Variants in MAGI2 observed in about 807,000 individuals in gnomAD.
The protein encoded by MAGI2 is membrane-associated guanylate kinase, WW and PDZ domain-containing protein 2.
MAGI2 carries 35 observed loss-of-function variants against 133.3 expected under a neutral mutation model. The observed-to-expected ratio is 0.26, with a 90% confidence interval of 0.20 to 0.35. The LOEUF (loss-of-function observed/expected upper bound fraction) is 0.35, where lower values mean the gene tolerates loss of function less well. Among genes scored for constraint, MAGI2 ranks in the 10% least tolerant of loss-of-function variants. MAGI2 has a pLI of 1.00. For synonymous variants in MAGI2, 729 were observed against 710.6 expected (o/e 1.03, Z -0.41); for missense variants, 1,636 against 1,863.4 (o/e 0.88, Z 2.25).
chr7:79,311,824 G>T (rs1372992622), intron 1 of MAGI2, among the ~76,000 whole-genome samples: 1 of 152,066 alleles, frequency 6.6e-6, no homozygotes, highest in African/African-American at 2.4e-5. Context: ...TCAGTAAAAG[G>T]CAACTCTATA....
rs3061269 is a variant in MAGI2 at position 78,399,804 on chromosome 7, C to CAAAA, written c.1046-30595_1046-30592dup. ...TGGTTGACAGAGTGAGACTTTGTATCAAAAAAAAAAAAAAAAAAAAAAAGG... is the reference window on the plus strand; with the variant it reads ...TGGTTGACAGAGTGAGACTTTGTATCAAAAAAAAAAAAAAAAAAAAAAAAAAAGG... On this transcript the variant is annotated intron_variant, in intron 6 of 21. Transcript: ENST00000354212. Among the ~76,000 whole-genome samples, 517 of 69,682 alleles carry CAAAA rather than the reference C, an allele frequency of 7.4e-3. 13 individuals carry two copies. Among genetic ancestry groups the CAAAA allele is most frequent in the African/African-American group, 0.026 (455 of 17,830 alleles). The allele number at this position is 69,682 out of a possible 152,430, so 45.7% of individuals were successfully genotyped here. A position where few individuals can be genotyped will look rare whatever the true frequency, so the allele number is the denominator to read the frequency against.
chr7:79,028,293 G>GTATGTATATATATATA (rs1349726076), intron 1 of MAGI2, among the ~76,000 whole-genome samples: 1 of 15,776 alleles, frequency 6.3e-5, no homozygotes, highest in African/African-American at 2.0e-4. Flanking sequence ...ATATATATAT[G>GTATGTATATATATATA]TGTGTATATA....
chr7:79,144,628 A>G (rs1822444030), intron 1 of MAGI2, among the ~76,000 whole-genome samples: 1 of 152,202 alleles, frequency 6.6e-6, no homozygotes, highest in Non-Finnish European at 1.5e-5. Flanking sequence ...GGACTAATAT[A>G]AGCACTTTAT....
intron 1 of MAGI2, among the ~76,000 whole-genome samples, chr7:79,107,369 T>G (rs1390803385): frequency 2.6e-5 from 4 of 152,170 alleles, no homozygotes; most frequent in Admixed American, 2.6e-4. Context: ...TATAGACACA[T>G]GGAAGTGAAT....
At chr7:79,440,286 C>T (rs1018404319) in intron 1 of MAGI2, among the ~76,000 whole-genome samples, 2 of 151,792 alleles carry the variant, frequency 1.3e-5, no homozygotes, top group Non-Finnish European at 2.9e-5. Flanking sequence ...ACTCCTGGGT[C>T]AATAGCAAAG....
intron 1 of MAGI2, among the ~76,000 whole-genome samples, chr7:79,361,842 G>T (rs1718465374): frequency 6.6e-6 from 1 of 151,904 alleles, no homozygotes; most frequent in South Asian, 2.1e-4. Context: ...AATAATCCAT[G>T]GATCAAAGAG....
chr7:78,341,290 A>G (rs1790347463), intron 9 of MAGI2, among the ~76,000 whole-genome samples: 1 of 152,208 alleles, frequency 6.6e-6, no homozygotes, highest in South Asian at 2.1e-4. Flanking sequence ...ACTATAAACC[A>G]CAGCTCAAGG....
chr7:79,452,883 C>T (rs1298841275), intron 1 of MAGI2, 137 bp downstream of exon 1: 1 of 911,234 alleles, frequency 1.1e-6, no homozygotes, highest in African/African-American at 1.7e-5. Context: ...AACTCACTTG[C>T]ACTGCGGGTG....
At chr7:78,753,027 C>T (rs905825872) in intron 2 of MAGI2, among the ~76,000 whole-genome samples, 1 of 151,960 alleles carries the variant, frequency 6.6e-6, no homozygotes, top group African/African-American at 2.4e-5. Flanking sequence ...CCTGCTAAAA[C>T]AAAAAATAAA....
At chr7:78,150,540 G>A (rs1823770414) in intron 16 of MAGI2, among the ~76,000 whole-genome samples, 1 of 152,188 alleles carries the variant, frequency 6.6e-6, no homozygotes, top group Non-Finnish European at 1.5e-5. Flanking sequence ...CATTGGTAGA[G>A]GATCATCCTG....
At chr7:78,244,167 TAAA>T (rs535442682) in intron 10 of MAGI2, among the ~76,000 whole-genome samples, 65 of 68,826 alleles carry the variant, frequency 9.4e-4, no homozygotes, top group African/African-American at 3.1e-3. Flanking sequence ...CTATTTAAAT[TAAA>T]AAAAAAAAAA....
At chr7:79,135,938 C>CGAAAGAAGGAAAGAAAGAAA (rs1554375729) in intron 1 of MAGI2, among the ~76,000 whole-genome samples, 1 of 63,044 alleles carries the variant, frequency 1.6e-5, no homozygotes, top group African/African-American at 8.9e-5. Context: ...AAAATCCTCT[C>CGAAAGAAGGAAAGAAAGAAA]GAAAGAAAGA....
chr7:79,239,296 C>G (rs1832191711), intron 1 of MAGI2, among the ~76,000 whole-genome samples: 1 of 152,054 alleles, frequency 6.6e-6, no homozygotes, highest in Non-Finnish European at 1.5e-5. Context: ...TTGAGAAACA[C>G]TAACTCACTT....
chr7:78,190,892 G>A (rs192326923), intron 12 of MAGI2, among the ~76,000 whole-genome samples: 224 of 152,268 alleles, frequency 1.5e-3, no homozygotes, highest in African/African-American at 5.1e-3. Context: ...AACATAGCAC[G>A]GCTTGTCCCA....
intron 20 of MAGI2, among the ~76,000 whole-genome samples, chr7:78,092,966 T>C (rs974946536): frequency 1.3e-5 from 2 of 151,844 alleles, no homozygotes; most frequent in Admixed American, 6.6e-5. Flanking sequence ...ACCCCGTCTC[T>C]ACTAAAGAAA....
intron 11 of MAGI2, among the ~76,000 whole-genome samples, chr7:78,198,429 T>TTG (rs1491463826): frequency 3.5e-5 from 1 of 28,358 alleles, no homozygotes. Flanking sequence ...GCTGTGGCCG[T>TTG]TTTTTTTTTT....
At chr7:79,305,890 C>T (rs1230877470) in intron 1 of MAGI2, among the ~76,000 whole-genome samples, 1 of 151,850 alleles carries the variant, frequency 6.6e-6, no homozygotes, top group African/African-American at 2.4e-5. Context: ...CACTCCAACC[C>T]GGGTGTAAGT....
At chr7:78,803,027 T>G (rs568448707) in intron 2 of MAGI2, among the ~76,000 whole-genome samples, 2 of 152,172 alleles carry the variant, frequency 1.3e-5, no homozygotes, top group African/African-American at 4.8e-5. Context: ...TTTTGACTTT[T>G]AATATTAATG....
intron 1 of MAGI2, chr7:79,124,962 GA>G: frequency 3.5e-6 from 1 of 283,598 alleles, no homozygotes; most frequent in Non-Finnish European, 6.8e-6. Context: ...TAAAAGCCAC[GA>G]AAGGTGGAGG....
Sources: allele counts gnomAD v4.1 joint callset (sites outside exome capture counted in the v4.1 genomes callset), GRCh38; gene constraint gnomAD v4.1.1; transcripts MANE v1.5; gene names NCBI Gene and HGNC (gene_info 2026-07-23, HGNC 2026-07-21).